SACM1L: variants seen among roughly 807,000 people sequenced by gnomAD.
SACM1L encodes the protein phosphatidylinositol-3-phosphatase SAC1.
A neutral mutation model predicts 89.5 loss-of-function variants in SACM1L; 32 were observed. That is an observed-to-expected ratio of 0.36 (90% CI 0.27 to 0.48). The LOEUF is 0.48. Among genes scored for constraint, SACM1L ranks in the 20% least tolerant of loss-of-function variants. The pLI is 0.99. For missense variants in SACM1L, 543 were observed against 708.5 expected, an observed-to-expected ratio of 0.77 and a Z score of 2.65; for synonymous variants, 213 against 232.8, an observed-to-expected ratio of 0.92 and a Z score of 0.77.
At chr3:45,742,993 G>A (rs1699348146) in intron 19 of SACM1L, 1 of 152,110 alleles carries the variant, frequency 6.6e-6, no homozygotes, top group African/African-American at 2.4e-5. Context: ...ATTGACTTTT[G>A]TTTTATATAT....
Position 45,703,473 on chromosome 3 carries a change from GTGA to G in SACM1L, c.74_76del (p.Asp25del). 1 of 1,613,212 alleles carries G rather than the reference GTGA, an allele frequency of 6.2e-7. No homozygotes were observed. On this transcript the variant is annotated inframe_deletion, in exon 2 of 20. Transcript: ENST00000389061. ...CCTGAAAAATTTTATGTGGAAGCTT[GTGA>G]TGATGGAGCAGATGACGTACTTACC...
intron 1 of SACM1L, among the ~76,000 whole-genome samples, chr3:45,693,226 G>A (rs949138780): frequency 1.3e-5 from 2 of 152,194 alleles, no homozygotes; most frequent in Admixed American, 6.5e-5. Context: ...GTAGTCTGTC[G>A]TTGACCAAAG....
chr3:45,734,545 C>T (rs1699155652), intron 13 of SACM1L: 1 of 152,164 alleles, frequency 6.6e-6, no homozygotes. Context: ...CAACCTTTAA[C>T]CCTTGAGCTC....
chr3:45,732,188 G>A (rs763458670), intron 13 of SACM1L, 37 bp downstream of exon 13: 8 of 1,261,188 alleles, frequency 6.3e-6, no homozygotes, highest in Non-Finnish European at 9.1e-6. Flanking sequence ...GTAGAGGGAA[G>A]AGGTATATAT....
chr3:45,694,996 A>G (rs1478996857), intron 1 of SACM1L, among the ~76,000 whole-genome samples: 1 of 152,106 alleles, frequency 6.6e-6, no homozygotes, highest in Non-Finnish European at 1.5e-5. Flanking sequence ...AGAAACACCA[A>G]CTGGTTTGGA....
At chr3:45,737,732 C>T (rs781052708) in intron 15 of SACM1L, 40 bp from the exon 16 acceptor site, 8 of 1,591,936 alleles carry the variant, frequency 5.0e-6, no homozygotes, top group Middle Eastern at 1.7e-4. Context: ...CTTTGTTTGT[C>T]ATCTTAATAA....
At chr3:45,693,422 A>G (rs1698047039) in intron 1 of SACM1L, among the ~76,000 whole-genome samples, 1 of 152,226 alleles carries the variant, frequency 6.6e-6, no homozygotes, top group Admixed American at 6.5e-5. Flanking sequence ...AAAAGAACAC[A>G]GTCTAGGGTA....
At chr3:45,706,654 C>A in intron 3 of SACM1L, 126 bp from the exon 4 acceptor site, 1 of 656,668 alleles carries the variant, frequency 1.5e-6, no homozygotes, top group East Asian at 3.1e-5. Flanking sequence ...AAAAATGGGC[C>A]TTTTATCTGA....
Position 45,715,526 on chromosome 3 carries a change from A to T in SACM1L, c.577+1447A>T, listed in dbSNP as rs532047961. Among the ~76,000 whole-genome samples the T allele has an allele frequency of 2.0e-5, 3 of 152,340 alleles. No homozygotes were observed. The South Asian group carries it at 6.2e-4, about 32-fold the overall frequency. ...TGCAGTGGCTCATGCCTGTAATCCC[A>T]GCACTTTGGGAGGCCAAGGCCGGCA... On this transcript the variant is annotated intron_variant, in intron 7 of 19. Transcript: ENST00000389061.
chr3:45,736,966 A>G (rs749528401), intron 14 of SACM1L, among the ~76,000 whole-genome samples: 22 of 152,132 alleles, frequency 1.4e-4, no homozygotes, highest in African/African-American at 4.1e-4. Context: ...GAGGTAAGCA[A>G]TGAAGATGGT....
At chr3:45,731,801 C>T (rs1379921146) in intron 12 of SACM1L, among the ~76,000 whole-genome samples, 1 of 152,148 alleles carries the variant, frequency 6.6e-6, no homozygotes, top group East Asian at 1.9e-4. Context: ...GATATATATG[C>T]ATATATTTTC....
intron 14 of SACM1L, among the ~76,000 whole-genome samples, chr3:45,736,094 C>T (rs1181442449): frequency 6.6e-6 from 1 of 151,970 alleles, no homozygotes; most frequent in Non-Finnish European, 1.5e-5. Context: ...GGTCTCAAAC[C>T]CCTGGGCTCA....
intron 10 of SACM1L, 37 bp from the exon 11 acceptor site, chr3:45,723,438 T>C (rs534416907): frequency 5.9e-5 from 52 of 877,742 alleles, no homozygotes; most frequent in African/African-American, 1.6e-4. Flanking sequence ...AATTACATAA[T>C]GTACTCCAGT....
At position 45,735,382 on chromosome 3, in the gene SACM1L, G is replaced by A; in HGVS notation, c.1239+9G>A. On this transcript the variant is annotated intron_variant, in intron 14 of 19. Coordinates refer to ENST00000389061, the MANE Select transcript of SACM1L (RefSeq NM_014016.5). ...TTCAGGCCCAACTTCAGGTGCGAAT[G>A]CTTTTTTTTTTTTTAATTGAAAAAC... The A allele has an allele frequency of 6.8e-7, 1 of 1,467,048 alleles. No individual in the cohort carries two copies. Among genetic ancestry groups the A allele is most frequent in the South Asian group, 1.4e-5 (1 of 69,356 alleles). The allele number at this position is 1,467,048 out of a possible 1,614,324, so 90.9% of individuals were successfully genotyped here.
intron 8 of SACM1L, among the ~76,000 whole-genome samples, chr3:45,720,727 A>G (rs1199893672): frequency 6.6e-6 from 1 of 152,218 alleles, no homozygotes; most frequent in Non-Finnish European, 1.5e-5. Context: ...GGAAGCAAGG[A>G]TAGCCTGTGC....
Position 45,689,509 on chromosome 3 carries a change from G to C in SACM1L, c.32+12G>C. ...GAGCAGCTGAAGCTGTGAGTCCCACGGGCCAGAGGCCTGAGGCGCGGCGGG... is the reference window on the plus strand; with the variant it reads ...GAGCAGCTGAAGCTGTGAGTCCCACCGGCCAGAGGCCTGAGGCGCGGCGGG... On this transcript the variant is annotated intron_variant, in intron 1 of 19. Transcript: ENST00000389061. The C allele has an allele frequency of 6.3e-7, 1 of 1,574,864 alleles. No homozygotes were observed. The highest frequency in any genetic ancestry group is 2.3e-5 in the East Asian group (1 of 43,118).
intron 14 of SACM1L, 54 bp from the exon 15 acceptor site, chr3:45,737,529 C>T: frequency 1.3e-6 from 2 of 1,523,364 alleles, no homozygotes; most frequent in Admixed American, 4.1e-5. Context: ...TCTTCCTAAA[C>T]CATGTCTGCT....
At chr3:45,714,879 G>A (rs950480002) in intron 7 of SACM1L, among the ~76,000 whole-genome samples, 6 of 152,158 alleles carry the variant, frequency 3.9e-5, no homozygotes, top group African/African-American at 1.2e-4. Context: ...ATCCAGTTAT[G>A]TGCCACATAC....
intron 1 of SACM1L, among the ~76,000 whole-genome samples, chr3:45,691,986 C>T (rs1698003751): frequency 6.6e-6 from 1 of 152,144 alleles, no homozygotes. Flanking sequence ...TATAATCTGT[C>T]GCCTAATTTA....
Sources: gnomAD v4.1 joint callset for allele counts (sites outside exome capture counted in the v4.1 genomes callset) on GRCh38, gnomAD v4.1.1 for gene constraint, MANE v1.5 for transcripts, NCBI Gene and HGNC (gene_info 2026-07-23, HGNC 2026-07-21) for gene names.